ERC1: variants seen among roughly 807,000 people sequenced by gnomAD.
ERC1 encodes the protein RAB6 interacting protein 2.
In ERC1, 56 loss-of-function variants were observed where a neutral mutation model predicts 132.0. The ratio of observed to expected loss-of-function variants is 0.42; its 90% CI spans 0.34 to 0.53. The LOEUF (loss-of-function observed/expected upper bound fraction) is 0.53, where lower values mean the gene tolerates loss of function less well. Among genes scored for constraint, ERC1 ranks in the 20% least tolerant of loss-of-function variants. The pLI is 0.03. For missense variants in ERC1, 1,202 were observed against 1,349.9 expected, an observed-to-expected ratio of 0.89 and a Z score of 1.72; for synonymous variants, 478 against 476.1, an observed-to-expected ratio of 1.00 and a Z score of -0.05.
chr12:1,416,533 A>T (rs1265189426), intron 17 of ERC1, among the ~76,000 whole-genome samples: 1 of 152,244 alleles, frequency 6.6e-6, no homozygotes, highest in African/African-American at 2.4e-5. Flanking sequence ...ATTCAAAGAG[A>T]CAAACTACAG....
chr12:1,367,453 CCT>C (rs1187186367), intron 15 of ERC1, among the ~76,000 whole-genome samples: 2 of 152,164 alleles, frequency 1.3e-5, no homozygotes, highest in African/African-American at 2.4e-5. Flanking sequence ...CATTCATACT[CCT>C]CTTTTTGTCT....
intron 7 of ERC1, among the ~76,000 whole-genome samples, chr12:1,134,193 A>G (rs1316919525): frequency 1.3e-5 from 2 of 151,846 alleles, no homozygotes; most frequent in Non-Finnish European, 2.9e-5. Flanking sequence ...CTCCTCGTGC[A>G]CCCCCTCCCC....
intron 8 of ERC1, among the ~76,000 whole-genome samples, chr12:1,142,737 CTTTTATA>C (rs1273706663): frequency 6.6e-6 from 1 of 152,176 alleles, no homozygotes; most frequent in African/African-American, 2.4e-5. Flanking sequence ...GTCGAACAGA[CTTTTATA>C]TTTAACATCC....
chr12:1,404,309 T>C (rs553662633), intron 16 of ERC1, among the ~76,000 whole-genome samples: 2 of 152,322 alleles, frequency 1.3e-5, no homozygotes, highest in South Asian at 2.1e-4. Flanking sequence ...ATCCATTTAT[T>C]TATTCATTCA....
chr12:1,093,957 C>CTATATA (rs202076174), intron 3 of ERC1, among the ~76,000 whole-genome samples: 3,725 of 68,816 alleles, frequency 0.054, 360 homozygotes, highest in East Asian at 0.22. Context: ...ATATATTTTT[C>CTATATA]TATATATATA....
chr12:1,381,860 C>G (rs2088713174), intron 16 of ERC1, among the ~76,000 whole-genome samples: 2 of 152,130 alleles, frequency 1.3e-5, no homozygotes, highest in Admixed American at 1.3e-4. Context: ...TGCTTTTTTT[C>G]ATTCACGTAT....
intron 15 of ERC1, among the ~76,000 whole-genome samples, chr12:1,357,545 CAG>C (rs2085659762): frequency 6.6e-6 from 1 of 152,142 alleles, no homozygotes; most frequent in Admixed American, 6.5e-5. Flanking sequence ...CTTTTGGAGA[CAG>C]AGACTTCCTA....
chr12:1,184,115 G>A (rs1271781153), intron 11 of ERC1, among the ~76,000 whole-genome samples: 11 of 136,950 alleles, frequency 8.0e-5, no homozygotes, highest in African/African-American at 1.2e-4. Flanking sequence ...CAGCCTGGGC[G>A]ACAGAGCAAG....
chr12:1,377,387 C>G (rs1012284098), intron 16 of ERC1, among the ~76,000 whole-genome samples: 1 of 151,758 alleles, frequency 6.6e-6, no homozygotes, highest in Non-Finnish European at 1.5e-5. Context: ...AGCAGACATT[C>G]TAGCACACAT....
At chr12:1,018,164 A>C (rs1384499788) in intron 1 of ERC1, among the ~76,000 whole-genome samples, 9 of 152,198 alleles carry the variant, frequency 5.9e-5, no homozygotes, top group Non-Finnish European at 1.0e-4. Context: ...GTAAATTGCA[A>C]GACATGTACA....
At chr12:1,225,361 G>A (rs547225374) in intron 12 of ERC1, among the ~76,000 whole-genome samples, 2 of 151,722 alleles carry the variant, frequency 1.3e-5, no homozygotes, top group South Asian at 2.1e-4. Flanking sequence ...GAGGCAGGAG[G>A]ATCAATTGAG....
At chr12:1,312,105 A>G (rs544943110) in intron 15 of ERC1, among the ~76,000 whole-genome samples, 5 of 152,062 alleles carry the variant, frequency 3.3e-5, no homozygotes, top group South Asian at 4.2e-4. Flanking sequence ...TGTAGCTACT[A>G]TTTCTATTTT....
intron 13 of ERC1, among the ~76,000 whole-genome samples, chr12:1,245,588 A>G (rs1158445584): frequency 1.4e-4 from 21 of 152,222 alleles, no homozygotes; most frequent in Admixed American, 1.3e-3. Flanking sequence ...CTTTTGGCAG[A>G]AAGTGAGTTT....
rs140562065 is a variant in ERC1, at chr12:1,492,978, A to G, written c.*2748A>G. The G allele has an allele frequency of 2.0e-4, 45 of 225,388 alleles. No individual in the cohort carries two copies. The East Asian group carries it at 2.9e-3, about 14-fold the overall frequency. 14.0% of individuals were successfully genotyped at this position (225,388 alleles called of 1,614,324 possible). On this transcript the variant is annotated 3_prime_UTR_variant, in exon 19 of 19. Coordinates refer to ENST00000360905, the MANE Select transcript of ERC1 (RefSeq NM_178040.4). ...TGCAGGTTGCCCTTAATTTTCCCCAAACCCCTCCATCGGCAAGTCTAGTTG... is the reference window on the plus strand; with the variant it reads ...TGCAGGTTGCCCTTAATTTTCCCCAGACCCCTCCATCGGCAAGTCTAGTTG...
At chr12:1,029,504 G>A (rs547208258) in intron 2 of ERC1, among the ~76,000 whole-genome samples, 1 of 152,272 alleles carries the variant, frequency 6.6e-6, no homozygotes, top group East Asian at 1.9e-4. Context: ...AGGCAACTTG[G>A]TGTGATTGTT....
chr12:1,393,764 A>C, intron 16 of ERC1, among the ~76,000 whole-genome samples: 1 of 151,876 alleles, frequency 6.6e-6, no homozygotes, highest in Admixed American at 6.6e-5. Context: ...ATGGTGGCTC[A>C]TGCCTGTAAT....
Position 1,110,308 on chromosome 12 carries a change from G to A in ERC1, c.1278G>A (p.Met426Ile). 1 of 1,613,252 alleles carries A rather than the reference G, an allele frequency of 6.2e-7. No homozygotes were observed. Among genetic ancestry groups the A allele is most frequent in the South Asian group, 1.1e-5 (1 of 90,902 alleles). ...AAAGGGAAGAAGAAATGAAGCAAATGGAAGTGTATCGGAGCCATTCTAAAT... is the reference window on the plus strand; with the variant it reads ...AAAGGGAAGAAGAAATGAAGCAAATAGAAGTGTATCGGAGCCATTCTAAAT... ...TEEREEEMKQ[M>I]EVYRSHSKFM... is the part of the protein sequence containing the mutation. Residue 426 changes from methionine to isoleucine, a missense_variant, in exon 5 of 19, where the codon ATG becomes ATA. Coordinates refer to ENST00000360905, the MANE Select transcript of ERC1 (RefSeq NM_178040.4).
chr12:1,429,279 A>G (rs1379259869), intron 17 of ERC1, among the ~76,000 whole-genome samples: 1 of 152,206 alleles, frequency 6.6e-6, no homozygotes, highest in Non-Finnish European at 1.5e-5. Context: ...TTGGTATTCT[A>G]GAATCAAATG....
At position 1,263,132 on chromosome 12, in the gene ERC1, A is replaced by G. The variant is rs748805455; in HGVS notation, c.2586A>G (p.Gln862=). The change falls in exon 14 of 19, where the codon CAA becomes CAG. Residue 862 remains glutamine, a synonymous_variant. Coordinates refer to ENST00000360905, the MANE Select transcript of ERC1 (RefSeq NM_178040.4). ...CAGAGCGGGAAATGGTGCTAGCACA[A>G]GAGGAATCAGCCAGGACCAATGCTG... is the stretch of plus-strand genomic sequence containing the variant. ...ITAEREMVLA[Q]EESARTNAEK... 3.1e-6 allele frequency: 5 copies of G among 1,614,142 alleles called. No individual in the cohort carries two copies. The highest frequency in any genetic ancestry group is 4.2e-6 in the Non-Finnish European group (5 of 1,179,988).
Sources: allele counts gnomAD v4.1 joint callset (sites outside exome capture counted in the v4.1 genomes callset), GRCh38; gene constraint gnomAD v4.1.1; transcripts MANE v1.5; gene names NCBI Gene and HGNC (gene_info 2026-07-23, HGNC 2026-07-21).